The following HDAC9 variants were observed in gnomAD, a reference collection of about 807,000 sequenced individuals.
HDAC9 encodes the protein histone deacetylase 9.
A neutral mutation model predicts 139.4 loss-of-function variants in HDAC9; 41 were observed. The ratio of observed to expected loss-of-function variants is 0.29; its 90% CI spans 0.23 to 0.38. HDAC9 has a LOEUF of 0.38. Among genes scored for constraint, HDAC9 ranks in the 10% least tolerant of loss-of-function variants. The probability of loss-of-function intolerance (pLI) is 1.00; values close to 1 mark genes in which losing one functional copy is unlikely to be tolerated. For missense variants in HDAC9, 1,147 were observed against 1,297.0 expected (o/e 0.88, Z 1.78); for synonymous variants, 517 against 476.2 (o/e 1.09, Z -1.12).
chr7:18,539,563 T>C (rs545779923), intron 2 of HDAC9, among the ~76,000 whole-genome samples: 5 of 152,382 alleles, frequency 3.3e-5, no homozygotes, highest in East Asian at 3.9e-4. Flanking sequence ...AAATGTCTTA[T>C]GGTTATCTAA....
chr7:18,403,288 C>T (rs917022674), intron 1 of HDAC9, among the ~76,000 whole-genome samples: 2 of 152,036 alleles, frequency 1.3e-5, no homozygotes, highest in African/African-American at 4.8e-5. Context: ...AATTCAGTGA[C>T]TCTTACGGTA....
At chr7:18,409,513 C>T (rs1037253262) in intron 1 of HDAC9, among the ~76,000 whole-genome samples, 21 of 152,146 alleles carry the variant, frequency 1.4e-4, no homozygotes, top group Non-Finnish European at 2.4e-4. Flanking sequence ...TTAGAGCACC[C>T]TCTGCATTCC....
In HDAC9 at chr7:18,274,626, A is replaced by G. The variant is rs542337776; in HGVS notation, c.25+112277A>G. Among the ~76,000 whole-genome samples the G allele has an allele frequency of 7.9e-5, 12 of 152,344 alleles. No homozygotes were observed. The South Asian group carries it at 2.1e-3, about 26-fold the overall frequency. On this transcript the variant is annotated intron_variant, in intron 2 of 12. Coordinates refer to the HDAC9 transcript ENST00000417496. ...CCACATCCCAACTATAGCAGCCATC[A>G]GTAGGAAAATGGATAAATAATTTGA...
At chr7:18,625,941 C>A in intron 6 of HDAC9, among the ~76,000 whole-genome samples, 1 of 98,736 alleles carries the variant, frequency 1.0e-5, no homozygotes. Flanking sequence ...AGCGAGACTC[C>A]ATCTCAAAAA....
chr7:18,929,799 G>C (rs1804568376), intron 22 of HDAC9, among the ~76,000 whole-genome samples: 1 of 152,012 alleles, frequency 6.6e-6, no homozygotes, highest in Admixed American at 6.6e-5. Context: ...AATTAGCTGG[G>C]TGTGGTGGTG....
At chr7:18,808,413 T>A (rs1000152278) in intron 17 of HDAC9, 1 of 152,188 alleles carries the variant, frequency 6.6e-6, no homozygotes, top group East Asian at 1.9e-4. Context: ...CATAGTTCTA[T>A]GTATAGAAAA....
At chr7:18,778,513 C>G (rs897037508) in intron 16 of HDAC9, among the ~76,000 whole-genome samples, 5 of 152,148 alleles carry the variant, frequency 3.3e-5, no homozygotes, top group Admixed American at 2.0e-4. Flanking sequence ...TTGAAGCACC[C>G]TTTACACAGT....
chr7:18,812,382 C>A (rs1399516119), intron 17 of HDAC9, among the ~76,000 whole-genome samples: 1 of 151,866 alleles, frequency 6.6e-6, no homozygotes, highest in Non-Finnish European at 1.5e-5. Context: ...GCAACAAATT[C>A]TCTTATCTTT....
At chr7:18,389,346 T>C (rs1418650859) in intron 1 of HDAC9, among the ~76,000 whole-genome samples, 3 of 152,244 alleles carry the variant, frequency 2.0e-5, no homozygotes, top group Admixed American at 1.3e-4. Flanking sequence ...CCTGGAGTTA[T>C]AGGCATTTAG....
At chr7:18,563,678 A>C (rs1199713165) in intron 2 of HDAC9, among the ~76,000 whole-genome samples, 2 of 151,920 alleles carry the variant, frequency 1.3e-5, no homozygotes, top group African/African-American at 2.4e-5. Context: ...ATCATACTCT[A>C]TATCTTTGGT....
At chr7:18,170,465 A>G (rs1340556902) in intron 2 of HDAC9, among the ~76,000 whole-genome samples, 2 of 151,938 alleles carry the variant, frequency 1.3e-5, no homozygotes, top group Non-Finnish European at 2.9e-5. Flanking sequence ...CCATTTGTCT[A>G]TTTTGGCTTT....
chr7:18,977,915 G>GACACACACAC (rs1234499048), intron 25 of HDAC9, among the ~76,000 whole-genome samples: 2 of 103,124 alleles, frequency 1.9e-5, no homozygotes, highest in African/African-American at 7.0e-5. Context: ...GAGACAGACA[G>GACACACACAC]ACAGACACAC....
At chr7:18,705,745 T>G (rs1296778071) in intron 12 of HDAC9, among the ~76,000 whole-genome samples, 4 of 150,496 alleles carry the variant, frequency 2.7e-5, no homozygotes, top group Non-Finnish European at 4.4e-5. Context: ...CCCAGCTGCT[T>G]GGGAGGATGA....
At chr7:18,282,145 GA>G (rs953786895) in intron 2 of HDAC9, among the ~76,000 whole-genome samples, 1 of 152,074 alleles carries the variant, frequency 6.6e-6, no homozygotes, top group Non-Finnish European at 1.5e-5. Flanking sequence ...GTATGAGGAG[GA>G]AAAAACTAAA....
chr7:18,272,983 T>TCTCCTC (rs1181014994), intron 2 of HDAC9, among the ~76,000 whole-genome samples: 3 of 146,160 alleles, frequency 2.1e-5, no homozygotes, highest in Non-Finnish European at 4.5e-5. Context: ...TCCTCCTCTT[T>TCTCCTC]CTCCTCCTCC....
intron 12 of HDAC9, among the ~76,000 whole-genome samples, chr7:18,719,701 A>G (rs1265008208): frequency 6.6e-6 from 1 of 152,124 alleles, no homozygotes; most frequent in East Asian, 1.9e-4. Flanking sequence ...ACGCAAAAAA[A>G]GTACTCCTCT....
At chr7:18,994,016 T>G (rs1786243386) in intron 25 of HDAC9, among the ~76,000 whole-genome samples, 1 of 152,198 alleles carries the variant, frequency 6.6e-6, no homozygotes, top group Non-Finnish European at 1.5e-5. Context: ...CCAAAGAGGC[T>G]TAATTTTTGG....
At chr7:18,623,146 GAA>G (rs200409519) in intron 6 of HDAC9, among the ~76,000 whole-genome samples, 81,945 of 140,446 alleles carry the variant, frequency 0.58, 23,296 homozygotes, top group East Asian at 0.72. Flanking sequence ...CCGGTCTCTG[GAA>G]AAAAAAAAAA....
chr7:18,202,754 C>G (rs1791229402), intron 2 of HDAC9, among the ~76,000 whole-genome samples: 1 of 152,124 alleles, frequency 6.6e-6, no homozygotes, highest in African/African-American at 2.4e-5. Flanking sequence ...ATGGGCATGT[C>G]AAGTATCTGT....
Sources: gnomAD v4.1 joint callset for allele counts (sites outside exome capture counted in the v4.1 genomes callset) on GRCh38, gnomAD v4.1.1 for gene constraint, MANE v1.5 for transcripts, NCBI Gene and HGNC (gene_info 2026-07-23, HGNC 2026-07-21) for gene names.